Variants in RCL1 observed in about 807,000 individuals in gnomAD.
RCL1 encodes RNA terminal phosphate cyclase like 1.
Under a neutral mutation model 42.4 loss-of-function variants are expected in RCL1, and 24 were observed. The observed-to-expected ratio is 0.57, with a 90% CI of 0.41 to 0.80. The LOEUF (loss-of-function observed/expected upper bound fraction) is 0.80, where lower values mean the gene tolerates loss of function less well. RCL1 is among the 30% of genes least tolerant of loss of function. RCL1 has a pLI of 0.00. For synonymous variants in RCL1, 228 were observed against 177.3 expected, an observed-to-expected ratio of 1.29 and a Z score of -2.27; for missense variants, 578 against 467.9, an observed-to-expected ratio of 1.24 and a Z score of -2.17.
At chr9:4,804,583 G>C (rs1416513158) in intron 1 of RCL1, 1 of 152,844 alleles carries the variant, frequency 6.5e-6, no homozygotes, top group Non-Finnish European at 1.5e-5. Flanking sequence ...AGTCCTCCAG[G>C]TTGAAGGGAG....
chr9:4,841,366 C>T lies in RCL1; in HGVS notation c.710+9C>T, dbSNP rs569223569. ...GGAGTCAACTCTGGGAAGTAAGTAT[C>T]TGTGTTTTTGAAGTCTGTTTCTGCA... On this transcript the variant is annotated intron_variant, in intron 6 of 8. Transcript: ENST00000381750. 2 of 1,607,168 alleles carry T rather than the reference C, an allele frequency of 1.2e-6. No individual in the cohort carries two copies. The highest frequency in any genetic ancestry group is 2.2e-5 in the South Asian group (2 of 90,820).
Position 4,841,333 on chromosome 9 carries a change from A to C in RCL1, c.686A>C (p.His229Pro). 1.2e-6 allele frequency: 2 copies of C among 1,613,100 alleles called. No homozygotes were observed. Among genetic ancestry groups the C allele is most frequent in the African/African-American group, 2.7e-5 (2 of 75,030 alleles). ...FIPDIYIYTD[H>P]MKGVNSGKSP... ...CCTGATATCTATATTTACACAGATCACATGAAAGGAGTCAACTCTGGGAAG... is the reference window on the plus strand; with the variant it reads ...CCTGATATCTATATTTACACAGATCCCATGAAAGGAGTCAACTCTGGGAAG... The change falls in exon 6 of 9, where the codon CAC (histidine) becomes CCC (proline). Residue 229 changes from histidine to proline, a missense_variant. His to Pro is a moderately conservative substitution (Grantham distance 77). Coordinates refer to ENST00000381750, the MANE Select transcript of RCL1 (RefSeq NM_005772.5).
At chr9:4,833,086 G>T in intron 3 of RCL1, 68 bp from the exon 4 acceptor site, 1 of 1,104,146 alleles carries the variant, frequency 9.1e-7, no homozygotes, top group Non-Finnish European at 1.4e-6. Context: ...AGCCTTACTT[G>T]TTTTTTTTGA....
At chr9:4,837,579 T>C (rs759810356) in intron 5 of RCL1, among the ~76,000 whole-genome samples, 6 of 152,212 alleles carry the variant, frequency 3.9e-5, no homozygotes, top group Non-Finnish European at 5.9e-5. Context: ...GACACAATCT[T>C]GTCATAACAA....
At position 4,827,028 on chromosome 9, in the gene RCL1, C is replaced by G; in HGVS notation, c.379C>G (p.Pro127Ala). 1 of 1,614,050 alleles carries G rather than the reference C, an allele frequency of 6.2e-7. No homozygotes were observed. Among genetic ancestry groups the G allele is most frequent in the Non-Finnish European group, 8.5e-7 (1 of 1,180,020 alleles). The change falls in exon 3 of 9, where the codon CCT becomes GCT. Residue 127 changes from proline to alanine, a missense_variant. Physicochemically the swap from Pro to Ala is conservative, Grantham distance 27. Coordinates refer to ENST00000381750, the MANE Select transcript of RCL1 (RefSeq NM_005772.5). ...LRGVTNDQVD[P>A]SVDVLKATAL... ...AGGAGTGACCAATGATCAGGTTGACCCTTCAGTGAGTATTGAGAACAAACC... is the reference window on the plus strand; with the variant it reads ...AGGAGTGACCAATGATCAGGTTGACGCTTCAGTGAGTATTGAGAACAAACC...
intron 1 of RCL1, chr9:4,804,880 C>G (rs900182012): frequency 4.6e-5 from 7 of 153,136 alleles, no homozygotes; most frequent in African/African-American, 1.7e-4. Flanking sequence ...AGCCGCTCTC[C>G]CAAGTCTGTC....
At chr9:4,796,028 A>G (rs1842908086) in intron 1 of RCL1, among the ~76,000 whole-genome samples, 1 of 152,210 alleles carries the variant, frequency 6.6e-6, no homozygotes, top group Admixed American at 6.5e-5. Flanking sequence ...TGATCTGGAC[A>G]GATAGGATTG....
At chr9:4,851,275 T>C (rs569834958) in intron 8 of RCL1, among the ~76,000 whole-genome samples, 6 of 152,216 alleles carry the variant, frequency 3.9e-5, no homozygotes, top group Non-Finnish European at 7.3e-5. Context: ...GCACAAATTG[T>C]AAGATGATGT....
chr9:4,843,754 A>G (rs971177030), intron 6 of RCL1, among the ~76,000 whole-genome samples: 4 of 152,136 alleles, frequency 2.6e-5, no homozygotes, highest in African/African-American at 9.7e-5. Context: ...TCTCCCCTTC[A>G]TCTTCTAATC....
chr9:4,849,971 A>G (rs1817670274), intron 8 of RCL1, among the ~76,000 whole-genome samples: 2 of 152,160 alleles, frequency 1.3e-5, no homozygotes, highest in South Asian at 2.1e-4. Flanking sequence ...AAGATGACAA[A>G]AGACAGAGTT....
chr9:4,853,482 C>T (rs1345808543), intron 8 of RCL1, among the ~76,000 whole-genome samples: 7 of 152,092 alleles, frequency 4.6e-5, no homozygotes, highest in African/African-American at 7.2e-5. Flanking sequence ...CCACCATGCC[C>T]GGCTAATTTT....
Position 4,834,179 on chromosome 9 carries a change from A to G in RCL1, c.498A>G (p.Glu166=). 1 of 1,613,686 alleles carries G rather than the reference A, an allele frequency of 6.2e-7. No homozygotes were observed. Among genetic ancestry groups the G allele is most frequent in the Non-Finnish European group, 8.5e-7 (1 of 1,179,748 alleles). ...RRGMPPGGGG[E]VVFSCPVRKV... ...GAATGCCTCCCGGAGGAGGAGGCGAAGTGGTTTTCTCATGTCCTGTGAGGA... is the reference window on the plus strand; with the variant it reads ...GAATGCCTCCCGGAGGAGGAGGCGAGGTGGTTTTCTCATGTCCTGTGAGGA... The change falls in exon 5 of 9, where the codon GAA becomes GAG. Residue 166 remains glutamate, a synonymous_variant. Transcript: ENST00000381750.
At chr9:4,806,880 T>A (rs1479044555) in intron 1 of RCL1, among the ~76,000 whole-genome samples, 1 of 152,234 alleles carries the variant, frequency 6.6e-6, no homozygotes, top group Admixed American at 6.5e-5. Flanking sequence ...CCAAGAGATT[T>A]CTTTTTTGGG....
chr9:4,841,555 G>C (rs558759587), intron 6 of RCL1, among the ~76,000 whole-genome samples, 198 bp downstream of exon 6: 47 of 152,352 alleles, frequency 3.1e-4, no homozygotes, highest in Admixed American at 7.2e-4. Flanking sequence ...CCAGTGGCTA[G>C]AGCTGGAAGC....
At chr9:4,806,030 G>GTGTGTGTGTGTGTGTGTT (rs1815941129) in intron 1 of RCL1, among the ~76,000 whole-genome samples, 2 of 140,376 alleles carry the variant, frequency 1.4e-5, no homozygotes, top group Non-Finnish European at 3.1e-5. Flanking sequence ...GTGTGTGTGT[G>GTGTGTGTGTGTGTGTGTT]TGTGTGTGTG....
At chr9:4,816,255 A>C (rs1004849439) in intron 1 of RCL1, among the ~76,000 whole-genome samples, 5 of 152,138 alleles carry the variant, frequency 3.3e-5, no homozygotes, top group African/African-American at 1.2e-4. Context: ...AAAGGATTGC[A>C]CATATGTTAT....
Position 4,860,569 on chromosome 9 carries a change from G to A in RCL1, c.*294G>A, listed in dbSNP as rs1260073. On this transcript the variant is annotated 3_prime_UTR_variant, in exon 9 of 9. Transcript: ENST00000381750. ...ACAGTCGTGCTGCTAGAACAGTCTCGTAGCTGCAGTTCAGCTGTGCTTCCT... is the reference window on the plus strand; with the variant it reads ...ACAGTCGTGCTGCTAGAACAGTCTCATAGCTGCAGTTCAGCTGTGCTTCCT... 197,055 of 312,380 alleles carry A rather than the reference G, an allele frequency of 0.63. 63,212 individuals are homozygous for A. The highest frequency in any genetic ancestry group is 0.76 in the East Asian group (10,883 of 14,238). 19.4% of individuals were successfully genotyped at this position (312,380 alleles called of 1,614,324 possible).
chr9:4,795,482 T>C (rs1469898924), intron 1 of RCL1, among the ~76,000 whole-genome samples: 1 of 152,234 alleles, frequency 6.6e-6, no homozygotes, highest in Non-Finnish European at 1.5e-5. Flanking sequence ...TAAGTGTATA[T>C]ACATATACGT....
At chr9:4,819,256 C>T (rs1024130341) in intron 1 of RCL1, among the ~76,000 whole-genome samples, 3 of 152,178 alleles carry the variant, frequency 2.0e-5, no homozygotes, top group Non-Finnish European at 4.4e-5. Context: ...CAGCCTCGAT[C>T]CCTTGCATGT....
Sources: gnomAD v4.1 joint callset for allele counts (sites outside exome capture counted in the v4.1 genomes callset) on GRCh38, gnomAD v4.1.1 for gene constraint, MANE v1.5 for transcripts, NCBI Gene and HGNC (gene_info 2026-07-23, HGNC 2026-07-21) for gene names.